Variants in SETBP1 observed in about 807,000 individuals in gnomAD.
SETBP1 encodes the protein SET binding protein 1, also known as SET-binding protein.
Under a neutral mutation model 101.0 loss-of-function variants are expected in SETBP1, and 9 were observed. The ratio of observed to expected loss-of-function variants is 0.09; its 90% CI spans 0.05 to 0.16. SETBP1 has a LOEUF of 0.16. Among genes scored for constraint, SETBP1 ranks in the 10% least tolerant of loss-of-function variants. SETBP1 has a pLI of 1.00. For synonymous variants in SETBP1, 818 were observed against 788.5 expected, an observed-to-expected ratio of 1.04 and a Z score of -0.63; for missense variants, 1,858 against 2,033.8, an observed-to-expected ratio of 0.91 and a Z score of 1.66.
At chr18:44,989,437 T>C (rs562759222) in intron 4 of SETBP1, among the ~76,000 whole-genome samples, 4 of 151,954 alleles carry the variant, frequency 2.6e-5, no homozygotes, top group African/African-American at 9.7e-5. Context: ...GAAACAAAGG[T>C]TAAGAGAATC....
intron 3 of SETBP1, among the ~76,000 whole-genome samples, chr18:44,916,775 T>C (rs114574341): frequency 2.4e-3 from 362 of 152,356 alleles, no homozygotes; most frequent in African/African-American, 8.5e-3. Flanking sequence ...CTCAGACAAG[T>C]CATCTGAACT....
chr18:44,847,160 A>G (rs2072741511), intron 2 of SETBP1, among the ~76,000 whole-genome samples: 1 of 152,200 alleles, frequency 6.6e-6, no homozygotes, highest in Non-Finnish European at 1.5e-5. Flanking sequence ...ATAACACTAC[A>G]GTGATTAGAA....
chr18:44,876,799 T>C, intron 3 of SETBP1: 5 of 1,447,918 alleles, frequency 3.5e-6, no homozygotes, highest in Non-Finnish European at 9.1e-7. Context: ...CATTCCCTGT[T>C]CTTTCCATTC....
intron 2 of SETBP1, among the ~76,000 whole-genome samples, chr18:44,756,210 C>A (rs529261558): frequency 3.4e-4 from 50 of 145,966 alleles, no homozygotes; most frequent in South Asian, 1.6e-3. Context: ...GAGTAAGACT[C>A]CATGTCAAAA....
chr18:44,984,017 A>C (rs2072173145), intron 4 of SETBP1, among the ~76,000 whole-genome samples: 1 of 148,398 alleles, frequency 6.7e-6, no homozygotes. Flanking sequence ...CCCGGCTAAC[A>C]TGGTGAAACC....
At chr18:44,833,765 C>T (rs183648684) in intron 2 of SETBP1, among the ~76,000 whole-genome samples, 1 of 152,310 alleles carries the variant, frequency 6.6e-6, no homozygotes, top group East Asian at 1.9e-4. Flanking sequence ...GCTCCCCTGG[C>T]TCATAGCAAT....
intron 2 of SETBP1, among the ~76,000 whole-genome samples, chr18:44,854,289 C>G (rs906461727): frequency 6.6e-6 from 1 of 152,166 alleles, no homozygotes; most frequent in Non-Finnish European, 1.5e-5. Context: ...TGTAGACCCA[C>G]TGGAATAGGT....
At chr18:44,931,325 C>A (rs1485696781) in intron 3 of SETBP1, among the ~76,000 whole-genome samples, 2 of 152,058 alleles carry the variant, frequency 1.3e-5, no homozygotes, top group African/African-American at 2.4e-5. Flanking sequence ...AATTTCTGTT[C>A]TTTTACATTT....
intron 2 of SETBP1, among the ~76,000 whole-genome samples, chr18:44,793,669 A>G (rs947607812): frequency 5.3e-5 from 8 of 152,252 alleles, no homozygotes; most frequent in Non-Finnish European, 1.2e-4. Flanking sequence ...GGTTTCAAAC[A>G]TAATCCTATA....
intron 2 of SETBP1, among the ~76,000 whole-genome samples, chr18:44,851,096 G>A (rs2072847519): frequency 1.3e-5 from 2 of 152,092 alleles, no homozygotes; most frequent in African/African-American, 2.4e-5. Flanking sequence ...CTGATGAAGC[G>A]GGGCACATAT....
rs147739435 is a variant in SETBP1 at position 45,054,763 on chromosome 18, G to A, written c.4172-8316G>A. On this transcript the variant is annotated intron_variant, in intron 5 of 5. Transcript: ENST00000649279. ...GCTTAGATTATCTCTGGAATGAGTC[G>A]CCACTGTCATTATCTGTCCAAAGTC... is the stretch of plus-strand genomic sequence containing the variant. Among the ~76,000 whole-genome samples the A allele has an allele frequency of 5.9e-3, 893 of 152,162 alleles. 10 individuals carry two copies. Among genetic ancestry groups the A allele is most frequent in the African/African-American group, 0.02 (820 of 41,502 alleles).
At chr18:44,772,286 G>A (rs1458909941) in intron 2 of SETBP1, among the ~76,000 whole-genome samples, 4 of 152,116 alleles carry the variant, frequency 2.6e-5, no homozygotes, top group South Asian at 2.1e-4. Flanking sequence ...CAGTGCGAGC[G>A]CCATTTCACA....
At chr18:44,993,662 A>C (rs1344022048) in intron 4 of SETBP1, among the ~76,000 whole-genome samples, 1 of 152,064 alleles carries the variant, frequency 6.6e-6, no homozygotes, top group Non-Finnish European at 1.5e-5. Context: ...AGAAAGATGC[A>C]TTATGAAAGT....
intron 4 of SETBP1, among the ~76,000 whole-genome samples, chr18:44,972,485 A>T (rs1394695365): frequency 6.6e-6 from 1 of 152,126 alleles, no homozygotes; most frequent in Non-Finnish European, 1.5e-5. Flanking sequence ...CATTTTCAAG[A>T]TATTGATTCT....
intron 4 of SETBP1, among the ~76,000 whole-genome samples, chr18:45,011,526 T>C (rs1234300878): frequency 2.0e-5 from 3 of 152,326 alleles, no homozygotes; most frequent in South Asian, 2.1e-4. Context: ...GGAAAAAATG[T>C]AACTGCTGCG....
chr18:44,794,290 T>C (rs943393113), intron 2 of SETBP1, among the ~76,000 whole-genome samples: 7 of 151,954 alleles, frequency 4.6e-5, no homozygotes, highest in Non-Finnish European at 7.4e-5. Flanking sequence ...AAATGACTTT[T>C]AGGACTGAAT....
intron 2 of SETBP1, among the ~76,000 whole-genome samples, chr18:44,720,923 C>T (rs2069577903): frequency 6.9e-6 from 1 of 145,784 alleles, no homozygotes; most frequent in African/African-American, 2.5e-5. Context: ...CACCCCAACC[C>T]CTTGGGGAGA....
intron 5 of SETBP1, among the ~76,000 whole-genome samples, chr18:45,042,342 G>A (rs1599485883): frequency 6.6e-6 from 1 of 152,076 alleles, no homozygotes; most frequent in African/African-American, 2.4e-5. Flanking sequence ...TAGAGGCGGG[G>A]TTTCACCGTG....
At chr18:44,785,758 T>A (rs1470981034) in intron 2 of SETBP1, among the ~76,000 whole-genome samples, 1 of 152,252 alleles carries the variant, frequency 6.6e-6, no homozygotes. Flanking sequence ...ACATGGCGTT[T>A]CAGGTTAGGG....
Sources: allele counts gnomAD v4.1 joint callset (sites outside exome capture counted in the v4.1 genomes callset), GRCh38; gene constraint gnomAD v4.1.1; transcripts MANE v1.5; gene names NCBI Gene and HGNC (gene_info 2026-07-23, HGNC 2026-07-21).